Variants in DLGAP1 observed in about 807,000 individuals in gnomAD.
The protein encoded by DLGAP1 is DLG associated protein 1.
Under a neutral mutation model 90.8 loss-of-function variants are expected in DLGAP1, and 11 were observed. That is an observed-to-expected ratio of 0.12 (90% confidence interval 0.08 to 0.20). The LOEUF (loss-of-function observed/expected upper bound fraction) is 0.20. Among genes scored for constraint, DLGAP1 ranks in the 10% least tolerant of loss-of-function variants. The probability of loss-of-function intolerance (pLI) is 1.00; values close to 1 mark genes in which losing one functional copy is unlikely to be tolerated. For synonymous variants in DLGAP1, 558 were observed against 540.7 expected, an observed-to-expected ratio of 1.03 and a Z score of -0.44; for missense variants, 1,050 against 1,333.8, an observed-to-expected ratio of 0.79 and a Z score of 3.31.
rs80001881 is a variant in DLGAP1, at chr18:3,804,834, T to A, written c.1172+9225A>T. ...TCAAAAACATTCTTTCAGATAGCATTGAATCTCTTCCTACACGAGGGACAG... is the reference window on the plus strand; with the variant it reads ...TCAAAAACATTCTTTCAGATAGCATAGAATCTCTTCCTACACGAGGGACAG... On this transcript the variant is annotated intron_variant, in intron 5 of 12. Coordinates refer to ENST00000315677, the MANE Select transcript of DLGAP1 (RefSeq NM_004746.4). Among the ~76,000 whole-genome samples, 355 of 152,264 alleles carry A rather than the reference T, an allele frequency of 2.3e-3. 6 individuals are homozygous for A. The East Asian group carries it at 0.048, about 21-fold the overall frequency.
At chr18:4,404,102 A>G (rs2082614013) in intron 1 of DLGAP1, among the ~76,000 whole-genome samples, 1 of 152,198 alleles carries the variant, frequency 6.6e-6, no homozygotes, top group Non-Finnish European at 1.5e-5. Flanking sequence ...CTTTTGAGGA[A>G]GGAAAGTGCA....
intron 2 of DLGAP1, among the ~76,000 whole-genome samples, chr18:4,057,934 T>C (rs1230065569): frequency 2.6e-5 from 4 of 152,166 alleles, no homozygotes; most frequent in East Asian, 1.9e-4. Flanking sequence ...CTCTCAGCCA[T>C]AGAGGCTCTG....
At chr18:4,273,311 C>A (rs567601452) in intron 1 of DLGAP1, among the ~76,000 whole-genome samples, 1 of 152,192 alleles carries the variant, frequency 6.6e-6, no homozygotes, top group Non-Finnish European at 1.5e-5. Flanking sequence ...GCTTCCCCAG[C>A]ATACATGGGT....
chr18:3,981,912 A>G (rs969286079), intron 3 of DLGAP1, among the ~76,000 whole-genome samples: 2 of 152,116 alleles, frequency 1.3e-5, no homozygotes, highest in Admixed American at 6.5e-5. Context: ...TTCATTGCTA[A>G]TGTCTTATGA....
intron 3 of DLGAP1, chr18:3,983,161 G>A (rs1418330012): frequency 1.3e-5 from 2 of 151,832 alleles, no homozygotes; most frequent in African/African-American, 2.4e-5. Context: ...AAAATTATAT[G>A]CACATTTTTT....
Position 3,582,352 on chromosome 18 carries a change from A to G in DLGAP1, c.1592-104T>C. ...GAATTAGGGCACATGAAACACACTG[A>G]GACATTTAACAGGAAAACAAGTTCC... is the stretch of plus-strand genomic sequence containing the variant. On this transcript the variant is annotated intron_variant, in intron 7 of 12. Coordinates refer to ENST00000315677, the MANE Select transcript of DLGAP1 (RefSeq NM_004746.4). The G allele has an allele frequency of 3.3e-6, 5 of 1,497,676 alleles. No homozygotes were observed. The East Asian group carries it at 1.1e-4, about 34-fold the overall frequency. 92.8% of individuals were successfully genotyped at this position (1,497,676 alleles called of 1,614,324 possible). A position where few individuals can be genotyped will look rare whatever the true frequency, so the allele number is the denominator to read the frequency against.
intron 1 of DLGAP1, among the ~76,000 whole-genome samples, chr18:4,437,725 A>G (rs968279682): frequency 6.6e-6 from 1 of 152,220 alleles, no homozygotes; most frequent in Non-Finnish European, 1.5e-5. Context: ...CTCTTGTATA[A>G]TAAATATGGT....
chr18:3,639,790 T>C (rs940225098), intron 7 of DLGAP1, among the ~76,000 whole-genome samples: 5 of 136,748 alleles, frequency 3.7e-5, no homozygotes, highest in Admixed American at 7.4e-5. Context: ...AGTCTTGCTC[T>C]GTCGCCCAGG....
chr18:3,909,766 C>T (rs138991833), intron 3 of DLGAP1, among the ~76,000 whole-genome samples: 7 of 152,272 alleles, frequency 4.6e-5, no homozygotes, highest in African/African-American at 1.7e-4. Context: ...GACTGCCCAT[C>T]TTAAAAGACA....
At chr18:4,275,570 TA>T (rs1401684687) in intron 1 of DLGAP1, among the ~76,000 whole-genome samples, 1 of 146,484 alleles carries the variant, frequency 6.8e-6, no homozygotes, top group African/African-American at 2.5e-5. Context: ...TGCTAGAATG[TA>T]AATCCTAACA....
intron 3 of DLGAP1, chr18:3,983,454 G>A (rs2073778679): frequency 6.6e-6 from 1 of 152,052 alleles, no homozygotes; most frequent in Admixed American, 6.5e-5. Flanking sequence ...AAGGATCTGT[G>A]GCTTGCCAGC....
chr18:3,760,985 T>C (rs11665095), intron 5 of DLGAP1, among the ~76,000 whole-genome samples: 4,751 of 152,288 alleles, frequency 0.031, 103 homozygotes, highest in Middle Eastern at 0.051. Context: ...AAAACAGAGC[T>C]AACAATATCC....
chr18:4,227,053 G>A (rs1418694232), intron 1 of DLGAP1, among the ~76,000 whole-genome samples: 1 of 151,838 alleles, frequency 6.6e-6, no homozygotes, highest in Admixed American at 6.6e-5. Flanking sequence ...AAAGAGCACG[G>A]TAGCTATACT....
Position 4,342,664 on chromosome 18 carries a change from A to G in DLGAP1, c.-267+112342T>C, listed in dbSNP as rs2143867665. Among the ~76,000 whole-genome samples the G allele has an allele frequency of 6.6e-6, 1 of 152,312 alleles. No homozygotes were observed. Among genetic ancestry groups the G allele is most frequent in the Middle Eastern group, 3.4e-3 (1 of 294 alleles). ...AAATGTATTTGTTTTGGTTTTGGTT[A>G]ATACTACATTTGCCACAAATCTGCA... On this transcript the variant is annotated intron_variant, in intron 1 of 12. Coordinates refer to ENST00000315677, the MANE Select transcript of DLGAP1 (RefSeq NM_004746.4). This position sits in a 1 kb window ranked among gnomAD's most constrained non-coding sequence, Gnocchi z 5.8.
At chr18:3,838,437 T>C (rs903006999) in intron 4 of DLGAP1, among the ~76,000 whole-genome samples, 15 of 152,200 alleles carry the variant, frequency 9.9e-5, no homozygotes, top group African/African-American at 3.6e-4. Flanking sequence ...GTGCCTGGCA[T>C]TGTCCCTTGC....
At chr18:3,874,073 T>TC in intron 4 of DLGAP1, 7 of 1,540,194 alleles carry the variant, frequency 4.5e-6, no homozygotes, top group Non-Finnish European at 6.1e-6. Context: ...TACTACCCCT[T>TC]CCTTTCCCTA....
rs979732520 is a variant in DLGAP1 at position 3,517,824 on chromosome 18, A to AC, written c.2480-9164_2480-9163insG. Among the ~76,000 whole-genome samples, 1 of 151,638 alleles carries AC rather than the reference A, an allele frequency of 6.6e-6. No individual in the cohort carries two copies. The highest frequency in any genetic ancestry group is 2.4e-5 in the African/African-American group (1 of 41,346). On this transcript the variant is annotated intron_variant, in intron 10 of 12. Transcript: ENST00000315677. The surrounding 1 kb of genome is among the most constrained non-coding windows in gnomAD (Gnocchi z 4.1). ...AAGAGAGAAACTCTGTCTCGGAAAA[A>AC]AAAAAAAAAGAAGAGAGTCACAATG...
At chr18:4,379,847 CT>C (rs1307090136) in intron 1 of DLGAP1, among the ~76,000 whole-genome samples, 1 of 152,088 alleles carries the variant, frequency 6.6e-6, no homozygotes, top group Non-Finnish European at 1.5e-5. Context: ...GCATTGAGAT[CT>C]AACAAGAATA....
At chr18:3,699,045 AC>A (rs992282714) in intron 7 of DLGAP1, among the ~76,000 whole-genome samples, 52 of 151,726 alleles carry the variant, frequency 3.4e-4, no homozygotes, top group African/African-American at 1.2e-3. Context: ...AATTCCTCTA[AC>A]CTTTTTTCAA....
Sources: allele counts gnomAD v4.1 joint callset (sites outside exome capture counted in the v4.1 genomes callset), GRCh38; gene constraint gnomAD v4.1.1; non-coding constraint Gnocchi (gnomAD v3.1); transcripts MANE v1.5; gene names NCBI Gene and HGNC (gene_info 2026-07-23, HGNC 2026-07-21).